The following PDSS1 variants were observed in gnomAD, a reference collection of about 807,000 sequenced individuals.
PDSS1 encodes the protein decaprenyl diphosphate synthase subunit 1, also known as all trans-polyprenyl-diphosphate synthase PDSS1.
In PDSS1, 43 loss-of-function variants were observed where a neutral mutation model predicts 57.5. That is an observed-to-expected ratio of 0.75 (90% CI 0.59 to 0.96). PDSS1 has a LOEUF of 0.96. Among genes scored for constraint, PDSS1 ranks in the 50% least tolerant of loss-of-function variants. PDSS1 has a pLI of 0.00. For missense variants in PDSS1, 438 were observed against 527.8 expected, an observed-to-expected ratio of 0.83 and a Z score of 1.67; for synonymous variants, 175 against 191.3, an observed-to-expected ratio of 0.91 and a Z score of 0.70.
intron 8 of PDSS1, among the ~76,000 whole-genome samples, chr10:26,725,698 A>G (rs1835929680): frequency 6.8e-6 from 1 of 146,294 alleles, no homozygotes; most frequent in Non-Finnish European, 1.5e-5. Context: ...GGGTGCCTTA[A>G]TATTACTTAC....
At chr10:26,739,500 A>AT (rs1196118091) in intron 10 of PDSS1, among the ~76,000 whole-genome samples, 3 of 152,134 alleles carry the variant, frequency 2.0e-5, no homozygotes, top group Admixed American at 1.3e-4. Flanking sequence ...CAATGCAAAT[A>AT]TTTTTTTCAA....
At chr10:26,730,164 G>A (rs1051940494) in intron 8 of PDSS1, among the ~76,000 whole-genome samples, 4 of 151,562 alleles carry the variant, frequency 2.6e-5, no homozygotes, top group South Asian at 4.2e-4. Context: ...CGCCCACCTC[G>A]GCCTCCCAAA....
At chr10:26,723,766 A>C (rs1835861026) in intron 6 of PDSS1, 40 bp from the exon 7 acceptor site, 5 of 1,402,410 alleles carry the variant, frequency 3.6e-6, no homozygotes, top group East Asian at 4.6e-5. Context: ...GCTCTGATGG[A>C]TTTTTCAGAA....
In PDSS1 at chr10:26,742,484, C is replaced by T; in HGVS notation, c.1027-13C>T. 4 of 1,593,952 alleles carry T rather than the reference C, an allele frequency of 2.5e-6. No homozygotes were observed. Among genetic ancestry groups the T allele is most frequent in the Non-Finnish European group, 3.4e-6 (4 of 1,163,140 alleles). On this transcript the variant is annotated splice_polypyrimidine_tract_variant and intron_variant, in intron 10 of 11. Transcript: ENST00000376215. ...AAATAGATTTTCTCAGATTTTCTCT[C>T]TTTTTTTGTTAGTTCCCAGAAATGA...
At chr10:26,727,909 G>A (rs539292713) in intron 8 of PDSS1, among the ~76,000 whole-genome samples, 9 of 152,094 alleles carry the variant, frequency 5.9e-5, no homozygotes, top group East Asian at 3.9e-4. Flanking sequence ...CCTCTCAGTC[G>A]GGCTTCTCTG....
chr10:26,719,756 A>AC (rs1218849938), intron 5 of PDSS1, among the ~76,000 whole-genome samples: 2 of 152,208 alleles, frequency 1.3e-5, no homozygotes, highest in Non-Finnish European at 2.9e-5. Context: ...ACAGAGCGAG[A>AC]CCCTGTCTCA....
intron 5 of PDSS1, among the ~76,000 whole-genome samples, chr10:26,713,709 T>A (rs116604392): frequency 2.3e-3 from 349 of 152,196 alleles, no homozygotes; most frequent in African/African-American, 7.9e-3. Flanking sequence ...CACACAACAG[T>A]AGACTCAGAC....
chr10:26,735,724 C>G, intron 10 of PDSS1, 145 bp downstream of exon 10: 2 of 700,700 alleles, frequency 2.9e-6, no homozygotes, highest in Non-Finnish European at 5.3e-6. Context: ...TTGATCCTGG[C>G]TGAGTGAGAT....
At chr10:26,702,834 A>C (rs1835091193) in intron 2 of PDSS1, among the ~76,000 whole-genome samples, 1 of 152,166 alleles carries the variant, frequency 6.6e-6, no homozygotes, top group East Asian at 1.9e-4. Flanking sequence ...TGGAAAAATA[A>C]AATAAAAGTA....
chr10:26,733,847 G>A (rs1488667166), intron 8 of PDSS1, among the ~76,000 whole-genome samples: 1 of 152,076 alleles, frequency 6.6e-6, no homozygotes, highest in Admixed American at 6.6e-5. Flanking sequence ...GGTTGCGCGT[G>A]CCTGTAGTCC....
chr10:26,698,433 C>A (rs1281790250), intron 1 of PDSS1, among the ~76,000 whole-genome samples: 1 of 152,138 alleles, frequency 6.6e-6, no homozygotes, highest in East Asian at 1.9e-4. Context: ...GAGAAAGGCC[C>A]GAGGCCGTCA....
At chr10:26,741,827 C>T (rs1836622503) in intron 10 of PDSS1, among the ~76,000 whole-genome samples, 1 of 152,180 alleles carries the variant, frequency 6.6e-6, no homozygotes, top group Non-Finnish European at 1.5e-5. Context: ...AGAGGCCCCA[C>T]AAGCAGTACA....
intron 8 of PDSS1, among the ~76,000 whole-genome samples, chr10:26,730,070 G>A (rs962407027): frequency 1.3e-5 from 2 of 151,512 alleles, no homozygotes; most frequent in East Asian, 3.9e-4. Flanking sequence ...CCGCTACCAC[G>A]CCCGGCTAAT....
At chr10:26,704,865 G>A in intron 3 of PDSS1, 124 bp downstream of exon 3, 1 of 668,986 alleles carries the variant, frequency 1.5e-6, no homozygotes, top group Non-Finnish European at 2.7e-6. Context: ...TTGAACTGCT[G>A]GCCTCAAGCT....
chr10:26,724,198 T>G, intron 8 of PDSS1, 75 bp downstream of exon 8: 1 of 1,043,260 alleles, frequency 9.6e-7, no homozygotes, highest in Non-Finnish European at 1.5e-6. Flanking sequence ...TAGAAAATAT[T>G]TCGGTGAAGA....
chr10:26,735,465 G>A lies in PDSS1; in HGVS notation c.913-1G>A, dbSNP rs1836364049. On this transcript the variant is annotated splice_acceptor_variant, in intron 9 of 11. Coordinates refer to ENST00000376215, the MANE Select transcript of PDSS1 (RefSeq NM_014317.5). LOFTEE classifies it high-confidence loss of function. The stretch of plus-strand genomic sequence containing the variant: ...TTACATCCCATTTTTCCTTTTGCCA[G>A]CTAATAGATGATGTATTGGACTTCA... 1.3e-6 allele frequency: 2 copies of A among 1,598,642 alleles called. No homozygotes were observed. Among genetic ancestry groups the A allele is most frequent in the African/African-American group, 2.7e-5 (2 of 74,700 alleles).
intron 10 of PDSS1, among the ~76,000 whole-genome samples, chr10:26,738,708 T>G (rs892413838): frequency 6.6e-6 from 1 of 152,216 alleles, no homozygotes; most frequent in Non-Finnish European, 1.5e-5. Context: ...ACCTTTTCCT[T>G]TTTAATTTGG....
At chr10:26,728,121 C>T (rs1365917975) in intron 8 of PDSS1, among the ~76,000 whole-genome samples, 1 of 152,048 alleles carries the variant, frequency 6.6e-6, no homozygotes, top group Admixed American at 6.6e-5. Flanking sequence ...TTTGGAAGGC[C>T]GAGGTGGGCA....
At chr10:26,706,360 G>C (rs971036675) in intron 4 of PDSS1, among the ~76,000 whole-genome samples, 2 of 152,200 alleles carry the variant, frequency 1.3e-5, no homozygotes, top group Non-Finnish European at 2.9e-5. Flanking sequence ...ACAGACAGTA[G>C]GGGCTGTGGA....
Sources: gnomAD v4.1 joint callset for allele counts (sites outside exome capture counted in the v4.1 genomes callset) on GRCh38, gnomAD v4.1.1 for gene constraint, MANE v1.5 for transcripts, NCBI Gene and HGNC (gene_info 2026-07-23, HGNC 2026-07-21) for gene names.